ACCSL: variants seen among roughly 807,000 people sequenced by gnomAD.
ACCSL encodes probable inactive 1-aminocyclopropane-1-carboxylate synthase-like protein 2.
In ACCSL, 55 loss-of-function variants were observed where a neutral mutation model predicts 61.7. That is an observed-to-expected ratio of 0.89 (90% confidence interval 0.72 to 1.12). The LOEUF is 1.12. Among genes scored for constraint, ACCSL ranks in the 50% most tolerant of loss-of-function variants. The pLI is 0.00. For missense variants in ACCSL, 632 were observed against 698.0 expected, an observed-to-expected ratio of 0.91 and a Z score of 1.07; for synonymous variants, 258 against 264.3, an observed-to-expected ratio of 0.98 and a Z score of 0.23.
the ACCSL span, among the ~76,000 whole-genome samples, chr11:43,972,180 T>G: frequency 6.6e-6 from 1 of 152,200 alleles, no homozygotes; most frequent in East Asian, 1.9e-4. Context: ...TGTAAGACAG[T>G]GTCCCCAACT....
At chr11:43,970,082 G>A in the ACCSL span, among the ~76,000 whole-genome samples, 2 of 152,070 alleles carry the variant, frequency 1.3e-5, no homozygotes, top group African/African-American at 4.8e-5. Flanking sequence ...TTGGGAGACC[G>A]ATGCAGAAGA....
chr11:43,978,521 A>G, the ACCSL span, among the ~76,000 whole-genome samples: 2 of 152,220 alleles, frequency 1.3e-5, no homozygotes, highest in Non-Finnish European at 2.9e-5. Flanking sequence ...CTGGCAAGGT[A>G]CAGGCATCAA....
chr11:44,017,245 G>A, the ACCSL span, among the ~76,000 whole-genome samples: 2 of 152,192 alleles, frequency 1.3e-5, no homozygotes, highest in Non-Finnish European at 2.9e-5. Context: ...CTTGCAAGAT[G>A]AGCAGAGTTC....
upstream of ACCSL, among the ~76,000 whole-genome samples, chr11:44,043,239 T>A (rs1952584265): frequency 6.6e-6 from 1 of 152,160 alleles, no homozygotes; most frequent in South Asian, 2.1e-4. Flanking sequence ...CAAATAGAGA[T>A]CACCTCCATT....
At chr11:43,924,772 G>C in the ACCSL span, among the ~76,000 whole-genome samples, 1 of 152,196 alleles carries the variant, frequency 6.6e-6, no homozygotes, top group South Asian at 2.1e-4. Flanking sequence ...CTTGGAGGAT[G>C]GCCACGGGGC....
At chr11:44,007,361 C>T in the ACCSL span, among the ~76,000 whole-genome samples, 2 of 152,182 alleles carry the variant, frequency 1.3e-5, no homozygotes, top group African/African-American at 2.4e-5. Flanking sequence ...GAAAGAAGCC[C>T]CAAGGCCCGA....
intron 3 of ACCSL, 60 bp from the exon 4 acceptor site, chr11:44,051,275 T>G: frequency 1.9e-6 from 3 of 1,559,886 alleles, no homozygotes; most frequent in Non-Finnish European, 2.7e-6. Context: ...AATGACCATC[T>G]AGACCATGAG....
chr11:43,986,905 C>T, the ACCSL span, among the ~76,000 whole-genome samples: 5 of 152,144 alleles, frequency 3.3e-5, no homozygotes, highest in African/African-American at 9.7e-5. Flanking sequence ...GGTGAGTGCT[C>T]CCTCACCACC....
intron 8 of ACCSL, among the ~76,000 whole-genome samples, chr11:44,054,152 G>A (rs149556702): frequency 2.6e-5 from 4 of 152,326 alleles, no homozygotes; most frequent in South Asian, 2.1e-4. Flanking sequence ...CTGGAGTGCC[G>A]AGGAAGACAC....
At chr11:43,977,844 A>G in the ACCSL span, among the ~76,000 whole-genome samples, 1 of 152,100 alleles carries the variant, frequency 6.6e-6, no homozygotes, top group South Asian at 2.1e-4. Flanking sequence ...ACCTTGAGCA[A>G]GTTAATCATC....
the ACCSL span, among the ~76,000 whole-genome samples, chr11:44,015,974 A>C: frequency 1.3e-5 from 2 of 152,230 alleles, no homozygotes; most frequent in African/African-American, 4.8e-5. Context: ...ATCATATTGC[A>C]GAAGCTCCAA....
the ACCSL span, among the ~76,000 whole-genome samples, chr11:43,937,796 T>C: frequency 0.14 from 21,135 of 152,162 alleles, 1,970 homozygotes; most frequent in Middle Eastern, 0.29. Flanking sequence ...GACCCCAAGT[T>C]AGAGTAGTTT....
At chr11:43,974,074 G>A in the ACCSL span, 1 of 152,180 alleles carries the variant, frequency 6.6e-6, no homozygotes, top group East Asian at 1.9e-4. Flanking sequence ...ACAATGCTTG[G>A]CAAATGGTAA....
chr11:43,949,168 A>G, the ACCSL span, among the ~76,000 whole-genome samples: 19 of 152,058 alleles, frequency 1.2e-4, no homozygotes, highest in Admixed American at 4.6e-4. Context: ...TCATCCCATC[A>G]TGGTGTCTGC....
At chr11:43,966,902 G>A in the ACCSL span, among the ~76,000 whole-genome samples, 5 of 151,952 alleles carry the variant, frequency 3.3e-5, no homozygotes, top group African/African-American at 1.2e-4. Context: ...AAAATTTATC[G>A]AATTTTATTG....
chr11:43,954,054 G>A, the ACCSL span, among the ~76,000 whole-genome samples: 2 of 152,106 alleles, frequency 1.3e-5, no homozygotes, highest in Admixed American at 6.5e-5. Flanking sequence ...GTGACTTGTC[G>A]TGCAGTTTCT....
Position 44,058,557 on chromosome 11 carries a change from C to T in ACCSL, c.1482C>T (p.Pro494=). 1 of 1,614,092 alleles carries T rather than the reference C, an allele frequency of 6.2e-7. No individual in the cohort carries two copies. ...VWINLKKYLD[P]CTFEEERLLY... ...TCTGCCCTCCCTAGTACCTGGATCC[C>T]TGTACATTTGAAGAAGAACGGCTCC... The change falls in exon 13 of 14, where the codon CCC becomes CCT. Residue 494 remains proline, a synonymous_variant. Transcript: ENST00000378832.
the ACCSL span, among the ~76,000 whole-genome samples, chr11:43,961,604 G>T: frequency 6.6e-6 from 1 of 152,144 alleles, no homozygotes; most frequent in Non-Finnish European, 1.5e-5. Flanking sequence ...CACAGAGGTG[G>T]ACTGAACATT....
the ACCSL span, among the ~76,000 whole-genome samples, chr11:43,925,843 C>A: frequency 6.6e-6 from 1 of 152,218 alleles, no homozygotes; most frequent in African/African-American, 2.4e-5. Context: ...AAGCAGCCCC[C>A]TCTTGGCGGT....
Sources: allele counts gnomAD v4.1 joint callset (sites outside exome capture counted in the v4.1 genomes callset), GRCh38; gene constraint gnomAD v4.1.1; transcripts MANE v1.5; gene names NCBI Gene and HGNC (gene_info 2026-07-23, HGNC 2026-07-21).